The following SLC24A5 variants were observed in gnomAD, a reference collection of about 807,000 sequenced individuals.
The protein encoded by SLC24A5 is sodium/potassium/calcium exchanger 5.
SLC24A5 carries 46 observed loss-of-function variants against 51.6 expected under a neutral mutation model. The ratio of observed to expected loss-of-function variants is 0.89; its 90% confidence interval spans 0.70 to 1.14. The LOEUF is 1.14. Ranked by LOEUF, SLC24A5 falls within the 50% of genes most tolerant of loss-of-function variation. The pLI is 0.00. For synonymous variants in SLC24A5, 230 were observed against 214.9 expected, an observed-to-expected ratio of 1.07 and a Z score of -0.62; for missense variants, 581 against 604.1, an observed-to-expected ratio of 0.96 and a Z score of 0.40.
intron 6 of SLC24A5, 101 bp from the exon 7 acceptor site, chr15:48,138,868 C>T: frequency 1.2e-6 from 1 of 867,004 alleles, no homozygotes; most frequent in East Asian, 2.6e-5. Context: ...CTTTTAAAAA[C>T]TGATACAGCT....
chr15:48,133,271 G>A (rs951111986), intron 2 of SLC24A5, among the ~76,000 whole-genome samples: 1 of 152,158 alleles, frequency 6.6e-6, no homozygotes, highest in African/African-American at 2.4e-5. Context: ...ACCTAGGGTA[G>A]ATAATTTAAT....
chr15:48,128,152 C>A (rs575037544), intron 2 of SLC24A5, among the ~76,000 whole-genome samples: 1 of 151,924 alleles, frequency 6.6e-6, no homozygotes, highest in South Asian at 2.1e-4. Flanking sequence ...AGGTATTGAA[C>A]CACTGTTCTG....
Position 48,136,760 on chromosome 15 carries a change from A to G in SLC24A5, c.668A>G (p.Tyr223Cys). The G allele has an allele frequency of 6.2e-7, 1 of 1,613,588 alleles. No homozygotes were observed. Among genetic ancestry groups the G allele is most frequent in the Non-Finnish European group, 8.5e-7 (1 of 1,179,746 alleles). The part of the protein sequence containing the change: ...VLCFDIKINQ[Y>C]IIKKCSPCCA... The stretch of plus-strand genomic sequence containing the variant: ...TGTTTTGACATTAAAATTAACCAAT[A>G]TATTATAAAGAAATGCAGTCCTTGC... The change falls in exon 6 of 9, where the codon TAT (tyrosine) becomes TGT (cysteine). Residue 223 changes from tyrosine (Y) to cysteine (C), a missense_variant. Coordinates refer to ENST00000341459, the MANE Select transcript of SLC24A5 (RefSeq NM_205850.3).
Position 48,139,398 on chromosome 15 carries a change from G to A in SLC24A5, c.1078+223G>A, listed in dbSNP as rs968672585. 1.6e-5 allele frequency: 6 copies of A among 383,168 alleles called. No individual in the cohort carries two copies. In the South Asian group the frequency reaches 4.0e-4, roughly 25 times the overall value. The allele number at this position is 383,168 out of a possible 1,614,324, so 23.7% of individuals were successfully genotyped here. A position where few individuals can be genotyped will look rare whatever the true frequency, so the allele number is the denominator to read the frequency against. ...ATTTTCCACTGTTATTTAGCCTGGG[G>A]TACAATTCAAGAGATCTTATAAATG... On this transcript the variant is annotated intron_variant, in intron 7 of 8. Transcript: ENST00000341459.
At chr15:48,139,233 A>G (rs1430594468) in intron 7 of SLC24A5, 58 bp downstream of exon 7, 12 of 1,428,876 alleles carry the variant, frequency 8.4e-6, no homozygotes, top group Admixed American at 7.0e-5. Context: ...AACAAATTGC[A>G]TATGTTCACT....
At chr15:48,134,413 G>C (rs1285552719) in intron 3 of SLC24A5, 22 bp from the exon 4 acceptor site, 2 of 1,608,224 alleles carry the variant, frequency 1.2e-6, no homozygotes, top group South Asian at 2.2e-5. Context: ...CACTAACTTA[G>C]CTGGTACTAT....
At chr15:48,140,955 A>C (rs966943475) in intron 7 of SLC24A5, 158 bp from the exon 8 acceptor site, 7 of 532,230 alleles carry the variant, frequency 1.3e-5, no homozygotes, top group Non-Finnish European at 2.3e-5. Flanking sequence ...TGATTCAAAT[A>C]TGTTGCTAGC....
intron 7 of SLC24A5, 179 bp downstream of exon 7, chr15:48,139,354 C>A: frequency 3.8e-6 from 2 of 530,940 alleles, no homozygotes; most frequent in Middle Eastern, 5.1e-4. Context: ...TTGTGAGTTG[C>A]ATATTATATA....
At chr15:48,127,359 G>A (rs1472571222) in intron 2 of SLC24A5, among the ~76,000 whole-genome samples, 1 of 152,136 alleles carries the variant, frequency 6.6e-6, no homozygotes, top group Admixed American at 6.5e-5. Flanking sequence ...AGTATTTTTG[G>A]AGCAAATAAC....
rs777917403 is a variant in SLC24A5 at position 48,134,458 on chromosome 15, A to G, written c.409A>G (p.Ile137Val). The G allele has an allele frequency of 1.2e-6, 2 of 1,613,490 alleles. No individual in the cohort carries two copies. Among genetic ancestry groups the G allele is most frequent in the Non-Finnish European group, 1.7e-6 (2 of 1,179,522 alleles). Residue 137 changes from isoleucine to valine, a missense_variant, in exon 4 of 9, where the codon ATT becomes GTT. Ile to Val is a conservative substitution (Grantham distance 29). Transcript: ENST00000341459. ...FLGVFITKGD[I>V]GISTILGSAI... Reference sequence around the variant, plus strand: ...AGGTGTATTTATCACAAAGGGAGATATTGGCATTAGCACCATCCTTGGATC... The same window carrying G: ...AGGTGTATTTATCACAAAGGGAGATGTTGGCATTAGCACCATCCTTGGATC...
Position 48,136,832 on chromosome 15 carries a change from T to C in SLC24A5, c.740T>C (p.Leu247Pro). 1.2e-6 allele frequency: 2 copies of C among 1,613,860 alleles called. No individual in the cohort carries two copies. Among genetic ancestry groups the C allele is most frequent in the Non-Finnish European group, 1.7e-6 (2 of 1,179,824 alleles). ...KAMERSEQQP[L>P]MGWEDEGQPF... ...ATGGAGAGAAGTGAACAACAGCCAC[T>C]GATGGGCTGGGAAGATGAAGGTCAA... The change falls in exon 6 of 9, where the codon CTG becomes CCG. Residue 247 changes from leucine to proline, a missense_variant. By Grantham distance (98) the Leu-to-Pro change is moderately conservative. Transcript: ENST00000341459.
Position 48,142,230 on chromosome 15 carries a change from G to A in SLC24A5, c.1382G>A (p.Trp461Ter). 6.2e-7 allele frequency: 1 copy of A among 1,613,660 alleles called. No homozygotes were observed. The highest frequency in any genetic ancestry group is 8.5e-7 in the Non-Finnish European group (1 of 1,179,810). ...TTTTTAGCAGTTCACTTCAATGGCTGGAAACTAGACAGAAAGTTGGGAATA... is the reference window on the plus strand; with the variant it reads ...TTTTTAGCAGTTCACTTCAATGGCTAGAAACTAGACAGAAAGTTGGGAATA... ...FLFLAVHFNGWKLDRKLGIVC... is the reference protein window; with the variant it reads ...FLFLAVHFNG Residue 461 changes from tryptophan (W) to a stop codon, truncating the protein, a stop_gained, in exon 9 of 9, where the codon TGG becomes TAG. Coordinates refer to ENST00000341459, the MANE Select transcript of SLC24A5 (RefSeq NM_205850.3). LOFTEE classifies it high-confidence loss of function.
intron 2 of SLC24A5, among the ~76,000 whole-genome samples, chr15:48,125,872 A>C (rs987561595): frequency 1.9e-4 from 29 of 152,156 alleles, no homozygotes; most frequent in African/African-American, 6.0e-4. Context: ...AATACAATGG[A>C]AGGATTGGCA....
At chr15:48,141,074 T>C (rs1484560785) in intron 7 of SLC24A5, 39 bp from the exon 8 acceptor site, 8 of 1,503,132 alleles carry the variant, frequency 5.3e-6, no homozygotes, top group African/African-American at 2.8e-5. Context: ...GGTTAGTGAA[T>C]CTTTAAGATT....
At chr15:48,125,057 G>A (rs77294837) in intron 2 of SLC24A5, among the ~76,000 whole-genome samples, 160 of 152,102 alleles carry the variant, frequency 1.1e-3, no homozygotes, top group African/African-American at 3.6e-3. Context: ...CTGCAGAAAC[G>A]GGCTTCAAAA....
chr15:48,121,267 A>G, intron 1 of SLC24A5, 102 bp downstream of exon 1: 1 of 1,231,290 alleles, frequency 8.1e-7, no homozygotes, highest in South Asian at 1.6e-5. Context: ...CAATGGGCTC[A>G]CTTTTACTTA....
intron 7 of SLC24A5, chr15:48,140,896 GAT>G (rs1343944067): frequency 4.6e-6 from 2 of 430,660 alleles, no homozygotes; most frequent in East Asian, 8.6e-5. Context: ...CGTATCTTTA[GAT>G]ATGTCATTAA....
At chr15:48,121,818 T>G (rs1382468896) in intron 1 of SLC24A5, 39 bp from the exon 2 acceptor site, 1 of 1,606,244 alleles carries the variant, frequency 6.2e-7, no homozygotes, top group African/African-American at 1.3e-5. Context: ...AATGTGTGAC[T>G]CCAAACTCTT....
chr15:48,129,799 A>T (rs1436493048), intron 2 of SLC24A5, among the ~76,000 whole-genome samples: 1 of 152,054 alleles, frequency 6.6e-6, no homozygotes, highest in Non-Finnish European at 1.5e-5. Flanking sequence ...CACATTCTAT[A>T]ACTTTGAGTA....
Sources: allele counts gnomAD v4.1 joint callset (sites outside exome capture counted in the v4.1 genomes callset), GRCh38; gene constraint gnomAD v4.1.1; transcripts MANE v1.5; gene names NCBI Gene and HGNC (gene_info 2026-07-23, HGNC 2026-07-21).